SORL1: variants seen among roughly 807,000 people sequenced by gnomAD.
SORL1 encodes the protein sortilin-related receptor.
A neutral mutation model predicts 273.7 loss-of-function variants in SORL1; 127 were observed. The ratio of observed to expected loss-of-function variants is 0.46; its 90% CI spans 0.40 to 0.54. SORL1 has a LOEUF of 0.54. Ranked by LOEUF, SORL1 falls within the 20% of genes least tolerant of loss-of-function variation. SORL1 has a pLI of 0.00. For synonymous variants in SORL1, 1,031 were observed against 1,067.4 expected (o/e 0.97, Z 0.66); for missense variants, 2,494 against 2,846.1 (o/e 0.88, Z 2.81).
At chr11:121,599,306 A>G (rs1863350440) in intron 32 of SORL1, among the ~76,000 whole-genome samples, 1 of 152,240 alleles carries the variant, frequency 6.6e-6, no homozygotes, top group Non-Finnish European at 1.5e-5. Flanking sequence ...GCACTTTGGG[A>G]GGCCAAGGCG....
chr11:121,467,123 G>C (rs946758866), intron 1 of SORL1, among the ~76,000 whole-genome samples: 2 of 147,140 alleles, frequency 1.4e-5, no homozygotes, highest in African/African-American at 5.1e-5. Flanking sequence ...TCCGCCTCCC[G>C]GGTTCACGCC....
chr11:121,456,468 T>G (rs1860907038), intron 1 of SORL1, among the ~76,000 whole-genome samples: 1 of 152,164 alleles, frequency 6.6e-6, no homozygotes, highest in African/African-American at 2.4e-5. Context: ...AAAATGTATT[T>G]GTAAGGAGGA....
At chr11:121,537,641 A>T (rs1009228416) in intron 12 of SORL1, among the ~76,000 whole-genome samples, 1 of 152,200 alleles carries the variant, frequency 6.6e-6, no homozygotes, top group Admixed American at 6.5e-5. Context: ...TCTCCGTGCC[A>T]TCTGTGATAG....
At chr11:121,509,089 A>G (rs656457) in intron 6 of SORL1, among the ~76,000 whole-genome samples, 149,593 of 152,020 alleles carry the variant, frequency 0.98, 73,666 homozygotes, top group Middle Eastern at 1. Flanking sequence ...CCCAGATGTC[A>G]GATTTTAGCT....
chr11:121,537,626 A>C (rs998462588), intron 12 of SORL1, among the ~76,000 whole-genome samples: 2 of 152,182 alleles, frequency 1.3e-5, no homozygotes, highest in African/African-American at 4.8e-5. Context: ...CCTTTGCAAG[A>C]ATTTTCTCCG....
In SORL1 at chr11:121,519,371, C is replaced by T. The variant is rs371319964; in HGVS notation, c.1212-1286C>T. On this transcript the variant is annotated intron_variant, in intron 8 of 47. Coordinates refer to ENST00000260197, the MANE Select transcript of SORL1 (RefSeq NM_003105.6). The stretch of plus-strand genomic sequence containing the variant: ...CCTGTGGCTGTGGCATCAGGGTATC[C>T]GCATGGTAGATAAAGCCTGGGAAAC... 4.5e-4 allele frequency among the ~76,000 whole-genome samples: 69 copies of T among 151,938 alleles called. No homozygotes were observed. In the East Asian group the frequency reaches 5.6e-3, roughly 12 times the overall value.
At chr11:121,590,898 G>A in intron 30 of SORL1, 103 bp from the exon 31 acceptor site, 2 of 1,289,828 alleles carry the variant, frequency 1.6e-6, no homozygotes, top group Non-Finnish European at 2.3e-6. Context: ...CCCTCAGCAG[G>A]TACAGCTAAA....
Position 121,550,017 on chromosome 11 carries a change from G to C in SORL1, c.2109G>C (p.Pro703=). 1.2e-6 allele frequency: 2 copies of C among 1,613,664 alleles called. No individual in the cohort carries two copies. The highest frequency in any genetic ancestry group is 1.7e-6 in the Non-Finnish European group (2 of 1,179,700). ...CATTAGAGGTTTGTGTTCCAGATCCGGAATTTTCTGGAAAGTCATACTCCC... is the reference window on the plus strand; with the variant it reads ...CATTAGAGGTTTGTGTTCCAGATCCCGAATTTTCTGGAAAGTCATACTCCC... ...DLSLEVCVPD[P]EFSGKSYSPP... is the part of the protein sequence containing the mutation. Residue 703 remains proline (P), a synonymous_variant, in exon 15 of 48, where the codon CCG becomes CCC. Coordinates refer to ENST00000260197, the MANE Select transcript of SORL1 (RefSeq NM_003105.6). This position sits in a 1 kb window ranked among gnomAD's most constrained non-coding sequence, Gnocchi z 5.3.
intron 1 of SORL1, among the ~76,000 whole-genome samples, chr11:121,466,617 C>T (rs562665218): frequency 1.3e-5 from 2 of 152,138 alleles, no homozygotes; most frequent in African/African-American, 4.8e-5. Flanking sequence ...GGGTAGAATG[C>T]ATGTCTTGAT....
chr11:121,620,994 C>T, intron 43 of SORL1, 70 bp from the exon 44 acceptor site: 3 of 1,140,598 alleles, frequency 2.6e-6, no homozygotes, highest in Non-Finnish European at 3.8e-6. Flanking sequence ...ACATTGTCCA[C>T]CATTGAACTA....
intron 17 of SORL1, 183 bp from the exon 18 acceptor site, chr11:121,555,001 TGTA>T (rs1306286295): frequency 1.9e-6 from 1 of 519,834 alleles, no homozygotes; most frequent in Non-Finnish European, 3.3e-6. Context: ...AAAACAAAAA[TGTA>T]GTATATTTTA....
chr11:121,589,391 G>A lies in SORL1; in HGVS notation c.4078+1G>A, dbSNP rs1591341324. The A allele has an allele frequency of 1.2e-6, 2 of 1,612,962 alleles. No individual in the cohort carries two copies. Among genetic ancestry groups the A allele is most frequent in the Non-Finnish European group, 8.5e-7 (1 of 1,178,984 alleles). On this transcript the variant is annotated splice_donor_variant, in intron 29 of 47. Transcript: ENST00000260197. LOFTEE classifies it high-confidence loss of function. The stretch of plus-strand genomic sequence containing the variant: ...GATTATTCTGATGAAGCCAACTGCG[G>A]TAAGATGTCCAGTCTGCCTCCTCAC...
intron 6 of SORL1, among the ~76,000 whole-genome samples, chr11:121,507,061 T>C (rs191164372): frequency 7.4e-4 from 112 of 152,358 alleles, no homozygotes; most frequent in Admixed American, 1.4e-3. Flanking sequence ...ACTTCAGTAG[T>C]GTACAAAATC....
At chr11:121,573,978 C>T (rs554788202) in intron 23 of SORL1, among the ~76,000 whole-genome samples, 8 of 152,332 alleles carry the variant, frequency 5.3e-5, no homozygotes, top group African/African-American at 7.2e-5. Flanking sequence ...CACTCTCTCT[C>T]GCCAACAGAT....
chr11:121,480,815 C>T (rs1344920834), intron 3 of SORL1, among the ~76,000 whole-genome samples: 1 of 147,442 alleles, frequency 6.8e-6, no homozygotes, highest in Non-Finnish European at 1.5e-5. Context: ...GCTCCATCTC[C>T]TCCTCCCCAG....
chr11:121,517,724 T>C lies in SORL1; in HGVS notation c.1212-2933T>C, dbSNP rs1397477826. 4.6e-5 allele frequency among the ~76,000 whole-genome samples: 7 copies of C among 152,256 alleles called. 1 individual carries two copies. In the East Asian group the frequency reaches 1.2e-3, roughly 25 times the overall value. On this transcript the variant is annotated intron_variant, in intron 8 of 47. Coordinates refer to ENST00000260197, the MANE Select transcript of SORL1 (RefSeq NM_003105.6). ...CACAGTCCAGTGAAGAAACTGGAAATAGATTCACGTCAAGAGTCATAGGCC... is the reference window on the plus strand; with the variant it reads ...CACAGTCCAGTGAAGAAACTGGAAACAGATTCACGTCAAGAGTCATAGGCC...
At chr11:121,491,645 A>G (rs1861554758) in intron 5 of SORL1, among the ~76,000 whole-genome samples, 1 of 152,224 alleles carries the variant, frequency 6.6e-6, no homozygotes, top group Non-Finnish European at 1.5e-5. Context: ...CATTCATTCT[A>G]TCAGGAAATC....
rs1863775696 is a variant in SORL1 at position 121,625,102 on chromosome 11, G to A, written c.6189G>A (p.Met2063Ile). ...GTTTTCAGGGCTATGAGATACACAT[G>A]TTTGATAGTGCCATGAATATCACAG... ...FNESRGYEIH[M>I]FDSAMNITAY... Residue 2063 changes from methionine (M) to isoleucine (I), a missense_variant, in exon 46 of 48, where the codon ATG becomes ATA. By Grantham distance (10) the Met-to-Ile change is conservative. This residue lies in a region of SORL1 where 1,609 missense variants were observed against 1,816.4 expected (regional missense o/e 0.89). Transcript: ENST00000260197. The A allele has an allele frequency of 6.2e-7, 1 of 1,612,378 alleles. No individual in the cohort carries two copies. The highest frequency in any genetic ancestry group is 8.5e-7 in the Non-Finnish European group (1 of 1,178,818).
At chr11:121,628,277 G>A (rs1863827266) in intron 47 of SORL1, among the ~76,000 whole-genome samples, 1 of 152,178 alleles carries the variant, frequency 6.6e-6, no homozygotes, top group African/African-American at 2.4e-5. Flanking sequence ...GACCAGTTTT[G>A]TGGAAGATAA....
Sources: gnomAD v4.1 joint callset for allele counts (sites outside exome capture counted in the v4.1 genomes callset) on GRCh38, gnomAD v4.1.1 for gene constraint, gnomAD v4.1.1 regional missense constraint, Gnocchi (gnomAD v3.1) non-coding constraint, MANE v1.5 for transcripts, NCBI Gene and HGNC (gene_info 2026-07-23, HGNC 2026-07-21) for gene names.